FAT3: variants seen among roughly 807,000 people sequenced by gnomAD.
FAT3 encodes the protein protocadherin Fat 3.
A neutral mutation model predicts 310.2 loss-of-function variants in FAT3; 95 were observed. The ratio of observed to expected loss-of-function variants is 0.31; its 90% CI spans 0.26 to 0.36. The LOEUF is 0.36. FAT3 is among the 10% of genes least tolerant of loss of function. FAT3 has a pLI of 1.00. For missense variants in FAT3, 5,408 were observed against 5,715.6 expected, an observed-to-expected ratio of 0.95 and a Z score of 1.74; for synonymous variants, 2,314 against 2,192.9, an observed-to-expected ratio of 1.06 and a Z score of -1.54.
intron 3 of FAT3, among the ~76,000 whole-genome samples, chr11:92,677,655 A>G (rs1943331113): frequency 6.6e-6 from 1 of 152,172 alleles, no homozygotes; most frequent in Non-Finnish European, 1.5e-5. Context: ...TTGCTGTCTC[A>G]TCCCATGGAA....
At chr11:92,393,230 C>CTG (rs1463588741) in intron 2 of FAT3, among the ~76,000 whole-genome samples, 4 of 151,036 alleles carry the variant, frequency 2.6e-5, no homozygotes, top group Non-Finnish European at 5.9e-5. Context: ...ACATGTGTAC[C>CTG]TGTGTGTGTG....
intron 2 of FAT3, among the ~76,000 whole-genome samples, chr11:92,514,852 G>A (rs1166494117): frequency 6.6e-6 from 1 of 152,144 alleles, no homozygotes; most frequent in African/African-American, 2.4e-5. Flanking sequence ...GGGAATATAG[G>A]TATAAATCGC....
intron 3 of FAT3, among the ~76,000 whole-genome samples, chr11:92,617,196 A>G (rs932387986): frequency 6.6e-6 from 1 of 151,976 alleles, no homozygotes; most frequent in African/African-American, 2.4e-5. Flanking sequence ...TTTTTTCTCT[A>G]AACTTCTCTT....
chr11:92,799,699 A>G lies in FAT3; in HGVS notation c.6686A>G (p.Lys2229Arg). The stretch of plus-strand genomic sequence containing the variant: ...ATCATTATCGATGGGGACCCTTTTA[A>G]ACAGTTTAACATTGACTTTGACACT... ...IYIIIDGDPF[K>R]QFNIDFDTGV... The change falls in exon 10 of 28, where the codon AAA becomes AGA. Residue 2229 changes from lysine (K) to arginine (R), a missense_variant. Physicochemically the swap from Lys to Arg is conservative, Grantham distance 26. Transcript: ENST00000525166. 6.2e-7 allele frequency: 1 copy of G among 1,613,312 alleles called. No individual in the cohort carries two copies. The highest frequency in any genetic ancestry group is 2.2e-5 in the East Asian group (1 of 44,816).
intron 4 of FAT3, among the ~76,000 whole-genome samples, chr11:92,756,706 G>A (rs1376330943): frequency 6.6e-6 from 1 of 151,960 alleles, no homozygotes; most frequent in African/African-American, 2.4e-5. Context: ...AATTCATCAG[G>A]CAATTTCAGT....
intron 3 of FAT3, among the ~76,000 whole-genome samples, chr11:92,526,620 G>A (rs1018318202): frequency 6.6e-6 from 1 of 152,186 alleles, no homozygotes; most frequent in African/African-American, 2.4e-5. Context: ...TGGGTTGGAT[G>A]TGAAGTTCAG....
In FAT3 at chr11:92,366,708, G is replaced by C. The variant is rs1266587313; in HGVS notation, c.3292+11304G>C. ...AGGCTGTTTCCATGGGCTGCAATCAGTACTCATTTCCCCTCCTTGATCTGG... is the reference window on the plus strand; with the variant it reads ...AGGCTGTTTCCATGGGCTGCAATCACTACTCATTTCCCCTCCTTGATCTGG... On this transcript the variant is annotated intron_variant, in intron 2 of 27. Coordinates refer to ENST00000525166, the MANE Select transcript of FAT3 (RefSeq NM_001367949.2). 3.7e-5 allele frequency: 20 copies of C among 536,078 alleles called. No homozygotes were observed. In the Middle Eastern group the frequency reaches 2.5e-3, roughly 66 times the overall value. 33.2% of individuals were successfully genotyped at this position (536,078 alleles called of 1,614,324 possible).
chr11:92,739,558 A>G (rs1466979090), intron 4 of FAT3, among the ~76,000 whole-genome samples: 2 of 152,178 alleles, frequency 1.3e-5, no homozygotes, highest in African/African-American at 4.8e-5. Flanking sequence ...TTCTCTACAT[A>G]TTTTGGTGAA....
intron 3 of FAT3, among the ~76,000 whole-genome samples, chr11:92,694,296 A>G (rs939511997): frequency 9.2e-5 from 14 of 152,246 alleles, no homozygotes; most frequent in Non-Finnish European, 1.6e-4. Flanking sequence ...TTTCATATCT[A>G]TGAAAATAAA....
rs1947615206 is a variant in FAT3, at chr11:92,809,721, T to C, written c.9248-122T>C. 4.2e-6 allele frequency: 3 copies of C among 719,132 alleles called. No homozygotes were observed. The African/African-American group carries it at 5.3e-5, about 13-fold the overall frequency. The allele number at this position is 719,132 out of a possible 1,614,324, so 44.5% of individuals were successfully genotyped here. On this transcript the variant is annotated intron_variant, in intron 12 of 27. Coordinates refer to ENST00000525166, the MANE Select transcript of FAT3 (RefSeq NM_001367949.2). ...GCTACATTTTTAAAGTATGGGACAC[T>C]TGGGCCAAATGATGTTAGTCCTTCC...
chr11:92,836,487 A>G (rs1437781565), intron 15 of FAT3, 79 bp from the exon 16 acceptor site: 2 of 1,536,758 alleles, frequency 1.3e-6, no homozygotes, highest in Non-Finnish European at 1.8e-6. Flanking sequence ...CACCCATTTA[A>G]ACAGACCTGG....
chr11:92,840,808 T>C (rs751880285), intron 18 of FAT3, 49 bp downstream of exon 18: 25 of 1,468,840 alleles, frequency 1.7e-5, no homozygotes, highest in Non-Finnish European at 2.1e-5. Context: ...TTTCTCATGC[T>C]TGTTTCTGTC....
intron 1 of FAT3, among the ~76,000 whole-genome samples, chr11:92,306,618 TTTATATTATATTTATATTATA>T (rs1565214636): frequency 1.6e-5 from 2 of 124,848 alleles, no homozygotes; most frequent in Admixed American, 1.0e-4. Context: ...ATATTATATA[TTTATATTATATTTATATTATA>T]TATATTATAT....
rs1951333504 is a variant in FAT3 at position 92,450,734 on chromosome 11, A to AT, written c.3293-73899dup. On this transcript the variant is annotated intron_variant, in intron 2 of 27. Transcript: ENST00000525166. ...TGGGTGATAATTTTGGAAGCCTAAA[A>AT]TAGCCTTTGCCTTTGTGGCTATGCT... Among the ~76,000 whole-genome samples, 3 of 152,364 alleles carry AT rather than the reference A, an allele frequency of 2.0e-5. No homozygotes were observed. The South Asian group carries it at 6.2e-4, about 32-fold the overall frequency.
At chr11:92,635,183 A>G (rs566135435) in intron 3 of FAT3, among the ~76,000 whole-genome samples, 14 of 152,074 alleles carry the variant, frequency 9.2e-5, no homozygotes, top group Admixed American at 7.2e-4. Context: ...CTGTTCCTCT[A>G]TCATCATGAG....
At chr11:92,652,007 A>G (rs1385386596) in intron 3 of FAT3, among the ~76,000 whole-genome samples, 1 of 152,036 alleles carries the variant, frequency 6.6e-6, no homozygotes, top group Non-Finnish European at 1.5e-5. Flanking sequence ...AAGGTAAAGG[A>G]TTCACTTTTA....
At chr11:92,728,969 A>C (rs1333601827) in intron 4 of FAT3, among the ~76,000 whole-genome samples, 2 of 152,122 alleles carry the variant, frequency 1.3e-5, no homozygotes, top group African/African-American at 2.4e-5. Context: ...ATTAGCTGAC[A>C]TTTACAGGTT....
chr11:92,602,291 C>T (rs1275424246), intron 3 of FAT3, among the ~76,000 whole-genome samples: 2 of 152,116 alleles, frequency 1.3e-5, no homozygotes, highest in African/African-American at 2.4e-5. Context: ...GGGTTTACTT[C>T]AGAGTTTCAC....
In FAT3 at chr11:92,535,851, C is replaced by T. The variant is rs116219339; in HGVS notation, c.3607+10903C>T. On this transcript the variant is annotated intron_variant, in intron 3 of 27. Transcript: ENST00000525166. ...GTTTTTACAGAAGGCCATGAGGTCA[C>T]GTAGAAGTTAATATTGACTGGCATT... Among the ~76,000 whole-genome samples, 155 of 152,126 alleles carry T rather than the reference C, an allele frequency of 1.0e-3. 2 individuals are homozygous for T. The highest frequency in any genetic ancestry group is 3.5e-3 in the African/African-American group (147 of 41,540).
Sources: allele counts gnomAD v4.1 joint callset (sites outside exome capture counted in the v4.1 genomes callset), GRCh38; gene constraint gnomAD v4.1.1; transcripts MANE v1.5; gene names NCBI Gene and HGNC (gene_info 2026-07-23, HGNC 2026-07-21).